The following FHAD1 variants were observed in gnomAD, a reference collection of about 807,000 sequenced individuals.
The protein encoded by FHAD1 is forkhead-associated domain-containing protein 1.
In FHAD1, 146 loss-of-function variants were observed where a neutral mutation model predicts 191.3. The observed-to-expected ratio is 0.76, with a 90% CI of 0.67 to 0.88. The LOEUF (loss-of-function observed/expected upper bound fraction) is 0.88. Among genes scored for constraint, FHAD1 ranks in the 40% least tolerant of loss-of-function variants. The pLI is 0.00. For synonymous variants in FHAD1, 616 were observed against 672.3 expected (o/e 0.92, Z 1.29); for missense variants, 1,635 against 1,785.8 (o/e 0.92, Z 1.52).
chr1:15,341,358 A>G (rs1014917463), intron 15 of FHAD1, among the ~76,000 whole-genome samples: 3 of 152,176 alleles, frequency 2.0e-5, no homozygotes, highest in African/African-American at 7.2e-5. Context: ...ACAAATGTTC[A>G]AGCGTCCTGG....
At chr1:15,383,228 C>T in intron 31 of FHAD1, 1 of 470,900 alleles carries the variant, frequency 2.1e-6, no homozygotes, top group Non-Finnish European at 4.4e-6. Context: ...CCCTCGCTAT[C>T]TGCTGTCCAC....
At chr1:15,274,408 G>A (rs1186458137) in intron 3 of FHAD1, among the ~76,000 whole-genome samples, 5 of 151,978 alleles carry the variant, frequency 3.3e-5, no homozygotes, top group South Asian at 4.2e-4. Context: ...AGGAGTTTGC[G>A]ACCAGCCTGG....
intron 3 of FHAD1, among the ~76,000 whole-genome samples, chr1:15,280,680 T>C (rs1660297693): frequency 6.6e-6 from 1 of 152,190 alleles, no homozygotes; most frequent in African/African-American, 2.4e-5. Flanking sequence ...TAGTTGATCA[T>C]GCATTGGTTC....
chr1:15,299,903 A>G (rs1173283922), intron 5 of FHAD1, among the ~76,000 whole-genome samples: 2 of 152,210 alleles, frequency 1.3e-5, no homozygotes, highest in Non-Finnish European at 2.9e-5. Context: ...CAGGGACCCA[A>G]TGACAGACCC....
At chr1:15,321,575 A>G (rs1676268590) in intron 10 of FHAD1, among the ~76,000 whole-genome samples, 1 of 152,212 alleles carries the variant, frequency 6.6e-6, no homozygotes, top group Non-Finnish European at 1.5e-5. Context: ...AAAAGACATT[A>G]TTAATATTTT....
rs577490314 is a variant in FHAD1, at chr1:15,397,397, C to T, written c.4424C>T (p.Pro1475Leu). Residue 1475 changes from proline (P) to leucine (L), a missense_variant, in exon 34 of 34, where the codon CCC becomes CTC. Physicochemically the swap from Pro to Leu is moderately conservative, Grantham distance 98 (BLOSUM62 -3). Coordinates refer to ENST00000688493, the MANE Select transcript of FHAD1 (RefSeq NM_001391957.1). ...KSSQSLLHSK[P>L]SGKY ...AGCCAGAGCCTTTTGCATTCTAAGC[C>T]CAGTGGAAAGTACTAGAGAAACCTC... is the stretch of plus-strand genomic sequence containing the variant. 6.5e-7 allele frequency: 1 copy of T among 1,533,168 alleles called. No homozygotes were observed. Among genetic ancestry groups the T allele is most frequent in the African/African-American group, 1.4e-5 (1 of 72,822 alleles). The allele number at this position is 1,533,168 out of a possible 1,614,324, so 95.0% of individuals were successfully genotyped here. A position where few individuals can be genotyped will look rare whatever the true frequency, so the allele number is the denominator to read the frequency against.
intron 19 of FHAD1, among the ~76,000 whole-genome samples, chr1:15,352,220 G>A (rs1691148223): frequency 6.6e-6 from 1 of 152,092 alleles, no homozygotes. Flanking sequence ...TTATGTTGGT[G>A]CGGGGGAGGT....
At chr1:15,298,774 A>G (rs1202620226) in intron 5 of FHAD1, among the ~76,000 whole-genome samples, 2 of 152,222 alleles carry the variant, frequency 1.3e-5, no homozygotes, top group Admixed American at 6.5e-5. Flanking sequence ...TAAGCTGGAA[A>G]TAGGATCCAA....
At chr1:15,247,862 A>T (rs2100699409) in intron 1 of FHAD1, among the ~76,000 whole-genome samples, 1 of 152,304 alleles carries the variant, frequency 6.6e-6, no homozygotes, top group Non-Finnish European at 1.5e-5. Context: ...TGTGACCTAT[A>T]AGCAGGGAGT....
chr1:15,255,208 G>C (rs547825575), intron 2 of FHAD1, among the ~76,000 whole-genome samples: 1 of 151,900 alleles, frequency 6.6e-6, no homozygotes, highest in Admixed American at 6.6e-5. Context: ...CTAAAGAGTA[G>C]GGAGCTATGC....
chr1:15,319,797 C>G (rs1675679555), intron 10 of FHAD1, among the ~76,000 whole-genome samples: 1 of 152,050 alleles, frequency 6.6e-6, no homozygotes, highest in African/African-American at 2.4e-5. Flanking sequence ...AATTTGCCTA[C>G]AAAAGAACTG....
At chr1:15,386,975 A>T (rs1231507846) in intron 31 of FHAD1, among the ~76,000 whole-genome samples, 3 of 150,580 alleles carry the variant, frequency 2.0e-5, no homozygotes, top group African/African-American at 7.3e-5. Context: ...TGATCCTCCC[A>T]CCTCAGCCTT....
chr1:15,315,054 T>A (rs75000182), intron 8 of FHAD1: 25 of 151,996 alleles, frequency 1.6e-4, no homozygotes, highest in African/African-American at 5.8e-4. Flanking sequence ...CAGGTCTGCC[T>A]TCTTCTCCAG....
chr1:15,303,655 G>T (rs1354128949), intron 6 of FHAD1, among the ~76,000 whole-genome samples: 2 of 152,160 alleles, frequency 1.3e-5, no homozygotes, highest in Non-Finnish European at 2.9e-5. Flanking sequence ...TTCGAGACCA[G>T]CCTGGCCAAC....
In FHAD1 at chr1:15,382,196, G is replaced by A. The variant is rs369611744; in HGVS notation, c.4188+3G>A. On this transcript the variant is annotated splice_donor_region_variant and intron_variant, in intron 31 of 33. Transcript: ENST00000688493. ...ACAGGGCCATCCGGCAGCAGAAGGT[G>A]AGGCGCTGCTGCCCAGGGCAGAACC... is the stretch of plus-strand genomic sequence containing the variant. 1 of 1,550,414 alleles carries A rather than the reference G, an allele frequency of 6.4e-7. No individual in the cohort carries two copies. Among genetic ancestry groups the A allele is most frequent in the Non-Finnish European group, 8.7e-7 (1 of 1,146,854 alleles).
Position 15,381,587 on chromosome 1 carries a change from G to A in FHAD1, c.4022+136G>A, listed in dbSNP as rs1284957401. On this transcript the variant is annotated intron_variant, in intron 30 of 33. Transcript: ENST00000688493. This position sits in a 1 kb window ranked among gnomAD's most constrained non-coding sequence, Gnocchi z 4.6. ...GTGTGGAATACCTGCAATGTCAGAA[G>A]GGGACCAGGGAGGGCACTGACTAGG... The A allele has an allele frequency of 7.4e-6, 5 of 677,378 alleles. No homozygotes were observed. Among genetic ancestry groups the A allele is most frequent in the Non-Finnish European group, 1.3e-5 (5 of 396,892 alleles). The allele number at this position is 677,378 out of a possible 1,614,324, so 42.0% of individuals were successfully genotyped here. A position where few individuals can be genotyped will look rare whatever the true frequency, so the allele number is the denominator to read the frequency against.
downstream of FHAD1, among the ~76,000 whole-genome samples, chr1:15,400,738 G>A (rs963838120): frequency 5.3e-5 from 8 of 152,232 alleles, no homozygotes; most frequent in South Asian, 2.1e-4. Flanking sequence ...CCACTGCCAC[G>A]CTTTGTCTCT....
At position 15,290,485 on chromosome 1, in the gene FHAD1, T is replaced by C. The variant is rs539902961; in HGVS notation, c.568+819T>C. 8.7e-4 allele frequency among the ~76,000 whole-genome samples: 133 copies of C among 152,156 alleles called. 1 individual carries two copies. The highest frequency in any genetic ancestry group is 3.2e-4 in the Non-Finnish European group (22 of 68,012). On this transcript the variant is annotated intron_variant, in intron 4 of 33. Transcript: ENST00000688493. ...ACATCTCCCAGCGGCTTCCATATCT[T>C]TTTCCGGTCTTGCTCAAGACCATTC...
At chr1:15,373,721 T>C (rs534277871) in intron 26 of FHAD1, among the ~76,000 whole-genome samples, 1 of 152,278 alleles carries the variant, frequency 6.6e-6, no homozygotes, top group Admixed American at 6.5e-5. Context: ...TCGGGCGTGG[T>C]GGCACACACT....
Sources: gnomAD v4.1 joint callset for allele counts (sites outside exome capture counted in the v4.1 genomes callset) on GRCh38, gnomAD v4.1.1 for gene constraint, Gnocchi (gnomAD v3.1) non-coding constraint, MANE v1.5 for transcripts, NCBI Gene and HGNC (gene_info 2026-07-23, HGNC 2026-07-21) for gene names.